LYRM4: variants seen among roughly 807,000 people sequenced by gnomAD.
The protein encoded by LYRM4 is LYR motif-containing protein 4.
A neutral mutation model predicts 11.7 loss-of-function variants in LYRM4; 9 were observed. The ratio of observed to expected loss-of-function variants is 0.77; its 90% confidence interval spans 0.46 to 1.34. The LOEUF (loss-of-function observed/expected upper bound fraction) is 1.34, where lower values mean the gene tolerates loss of function less well. Among genes scored for constraint, LYRM4 ranks in the 40% most tolerant of loss-of-function variants. LYRM4 has a pLI of 0.00. For missense variants in LYRM4, 133 were observed against 112.5 expected (o/e 1.18, Z -0.82); for synonymous variants, 42 against 40.4 (o/e 1.04, Z -0.15).
At chr6:5,087,123 G>C in the LYRM4 span, 2 of 152,916 alleles carry the variant, frequency 1.3e-5, no homozygotes, top group African/African-American at 4.8e-5. Context: ...CTTTTCTTTT[G>C]ACTGAGATGT....
chr6:5,215,653 T>C (rs769669838), intron 2 of LYRM4, among the ~76,000 whole-genome samples: 5 of 152,252 alleles, frequency 3.3e-5, no homozygotes, highest in Non-Finnish European at 5.9e-5. Flanking sequence ...TTGAATTCTT[T>C]TTAGAGTCAA....
At chr6:5,071,051 G>C in the LYRM4 span, among the ~76,000 whole-genome samples, 1 of 151,832 alleles carries the variant, frequency 6.6e-6, no homozygotes, top group Non-Finnish European at 1.5e-5. Flanking sequence ...ACCTGGGCGT[G>C]GTAGCGGGCG....
the LYRM4 span, among the ~76,000 whole-genome samples, chr6:5,035,142 A>G: frequency 6.6e-6 from 1 of 152,218 alleles, no homozygotes; most frequent in Non-Finnish European, 1.5e-5. Flanking sequence ...TGCTTTCTCC[A>G]GGAGAAATAG....
intron 2 of LYRM4, among the ~76,000 whole-genome samples, chr6:5,118,096 T>TATATATTTTTTTTTTTTG (rs1554126841): frequency 5.1e-5 from 4 of 78,684 alleles, no homozygotes; most frequent in South Asian, 9.0e-4. Flanking sequence ...ATATATATAT[T>TATATATTTTTTTTTTTTG]TTTGTTTTGT....
chr6:5,114,382 A>C (rs1271433442), intron 2 of LYRM4, among the ~76,000 whole-genome samples: 2 of 152,162 alleles, frequency 1.3e-5, no homozygotes, highest in Admixed American at 6.5e-5. Flanking sequence ...AGCTCCTGTT[A>C]CTTGGGTTTC....
At chr6:5,258,500 A>AT (rs1764786277) in intron 1 of LYRM4, among the ~76,000 whole-genome samples, 1 of 152,230 alleles carries the variant, frequency 6.6e-6, no homozygotes, top group African/African-American at 2.4e-5. Context: ...TTGATAGTGG[A>AT]TGTTGTGTTG....
intron 2 of LYRM4, among the ~76,000 whole-genome samples, chr6:5,181,095 TAAAC>T (rs1380868462): frequency 1.3e-5 from 2 of 152,138 alleles, no homozygotes; most frequent in Non-Finnish European, 2.9e-5. Context: ...TCACGCCAAA[TAAAC>T]AAAACCATGA....
At chr6:5,116,378 C>T (rs912276841) in intron 2 of LYRM4, among the ~76,000 whole-genome samples, 2 of 152,142 alleles carry the variant, frequency 1.3e-5, no homozygotes, top group Non-Finnish European at 2.9e-5. Context: ...TCAGTTCACA[C>T]AGGGAGGAAA....
At chr6:5,227,356 G>T (rs1762953212) in intron 1 of LYRM4, among the ~76,000 whole-genome samples, 1 of 152,198 alleles carries the variant, frequency 6.6e-6, no homozygotes, top group Non-Finnish European at 1.5e-5. Context: ...TATGAAAGGA[G>T]AGGGAGCAAG....
the LYRM4 span, among the ~76,000 whole-genome samples, chr6:5,039,396 T>C: frequency 6.6e-6 from 1 of 152,198 alleles, no homozygotes; most frequent in Non-Finnish European, 1.5e-5. Flanking sequence ...TTAAATAGTA[T>C]GTGTTCAATC....
At chr6:5,217,857 G>A (rs746580020) in intron 1 of LYRM4, among the ~76,000 whole-genome samples, 27 of 152,162 alleles carry the variant, frequency 1.8e-4, no homozygotes, top group Non-Finnish European at 3.5e-4. Context: ...CAGATTGAAA[G>A]GCATAAGACT....
intron 2 of LYRM4, among the ~76,000 whole-genome samples, chr6:5,117,277 C>T (rs942205307): frequency 3.3e-5 from 5 of 152,200 alleles, no homozygotes; most frequent in Non-Finnish European, 5.9e-5. Flanking sequence ...GTATCATGGG[C>T]GGGGCGCGGT....
the LYRM4 span, among the ~76,000 whole-genome samples, chr6:5,081,041 C>A: frequency 6.6e-6 from 1 of 150,830 alleles, no homozygotes; most frequent in Non-Finnish European, 1.5e-5. Context: ...GTAACACGAA[C>A]AAACGGTAAA....
chr6:5,180,719 GCGATGCT>G (rs1474108546), intron 2 of LYRM4, among the ~76,000 whole-genome samples: 3 of 152,210 alleles, frequency 2.0e-5, no homozygotes, highest in Admixed American at 6.5e-5. Flanking sequence ...AATCACTGCA[GCGATGCT>G]CTCGTGGATA....
the LYRM4 span, among the ~76,000 whole-genome samples, chr6:5,052,428 G>T: frequency 1.3e-5 from 2 of 152,170 alleles, no homozygotes; most frequent in Non-Finnish European, 2.9e-5. Context: ...AGTTAAGCTG[G>T]TATAAATTCA....
rs573939386 is a variant in LYRM4 at position 5,169,034 on chromosome 6, T to A, written c.207+47584A>T. Among the ~76,000 whole-genome samples the A allele has an allele frequency of 2.6e-5, 4 of 152,292 alleles. No homozygotes were observed. The South Asian group carries it at 8.3e-4, about 32-fold the overall frequency. ...TATTATTATTTTTATTCTTGAAAAT[T>A]TGCAATGTAAAAAATTAGGGGGAAA... On this transcript the variant is annotated intron_variant, in intron 2 of 2. Coordinates refer to ENST00000330636, the MANE Select transcript of LYRM4 (RefSeq NM_020408.6).
the LYRM4 span, chr6:5,086,590 G>C: frequency 2.0e-6 from 3 of 1,466,254 alleles, no homozygotes; most frequent in Non-Finnish European, 2.7e-6. Context: ...GAGCCGTGGG[G>C]CGGGGTTGAT....
intron 2 of LYRM4, among the ~76,000 whole-genome samples, chr6:5,160,692 C>T (rs1758706314): frequency 6.6e-6 from 1 of 151,712 alleles, no homozygotes; most frequent in Admixed American, 6.6e-5. Flanking sequence ...TGCATTAAAC[C>T]TCTTTTTCTT....
intron 2 of LYRM4, among the ~76,000 whole-genome samples, chr6:5,158,134 C>T (rs560030747): frequency 2.6e-5 from 4 of 152,268 alleles, no homozygotes; most frequent in Non-Finnish European, 4.4e-5. Context: ...TATGTCTGTG[C>T]GTGTGTGTAC....
Sources: allele counts gnomAD v4.1 joint callset (sites outside exome capture counted in the v4.1 genomes callset), GRCh38; gene constraint gnomAD v4.1.1; transcripts MANE v1.5; gene names NCBI Gene and HGNC (gene_info 2026-07-23, HGNC 2026-07-21).